Variants in ATP9B observed in about 807,000 individuals in gnomAD.
ATP9B encodes the protein ATPase phospholipid transporting 9B.
In ATP9B, 110 loss-of-function variants were observed where a neutral mutation model predicts 146.1. The observed-to-expected ratio is 0.75, with a 90% CI of 0.65 to 0.88. The LOEUF is 0.88. Among genes scored for constraint, ATP9B ranks in the 40% least tolerant of loss-of-function variants. The probability of loss-of-function intolerance (pLI) is 0.00; values close to 1 mark genes in which losing one functional copy is unlikely to be tolerated. For missense variants in ATP9B, 1,499 were observed against 1,496.4 expected, an observed-to-expected ratio of 1.00 and a Z score of -0.03; for synonymous variants, 604 against 569.7, an observed-to-expected ratio of 1.06 and a Z score of -0.86.
At chr18:79,089,573 C>G (rs73484033) in intron 1 of ATP9B, among the ~76,000 whole-genome samples, 55 of 152,162 alleles carry the variant, frequency 3.6e-4, no homozygotes, top group African/African-American at 1.3e-3. Flanking sequence ...CTTGGGTGAT[C>G]TAAGGAAGAC....
chr18:79,344,255 C>G lies in ATP9B; in HGVS notation c.2383-10C>G. The G allele has an allele frequency of 1.2e-6, 2 of 1,613,356 alleles. No individual in the cohort carries two copies. The highest frequency in any genetic ancestry group is 1.7e-6 in the Non-Finnish European group (2 of 1,179,338). ...TTTTAATTTGGGATTCTTTTTCTCC[C>G]TTAATGGAGGTAACCAGTCGGGGAG... On this transcript the variant is annotated splice_polypyrimidine_tract_variant and intron_variant, in intron 20 of 29. Transcript: ENST00000426216.
chr18:79,072,727 C>T (rs550551826), intron 1 of ATP9B, among the ~76,000 whole-genome samples: 5 of 87,168 alleles, frequency 5.7e-5, no homozygotes, highest in African/African-American at 1.9e-4. Context: ...GACCAGGCGG[C>T]TGCTGGGCGG....
chr18:79,374,252 G>T (rs3786181), intron 28 of ATP9B, 151 bp downstream of exon 28: 1 of 723,374 alleles, frequency 1.4e-6, no homozygotes, highest in Non-Finnish European at 2.2e-6. Flanking sequence ...CCTGCACCAC[G>T]GATGAAGGCG....
Position 79,176,816 on chromosome 18 carries a change from C to T in ATP9B, c.782C>T (p.Ser261Leu), listed in dbSNP as rs952837369. 3.1e-6 allele frequency: 5 copies of T among 1,613,622 alleles called. No homozygotes were observed. The highest frequency in any genetic ancestry group is 1.6e-4 in the Middle Eastern group (1 of 6,080). ...VFLRTSEKAGSCFIRTDQLDG... is the reference protein window; with the variant it reads ...VFLRTSEKAGLCFIRTDQLDG... ...ATTTTTATTCTCTACTTCCAAGGTT[C>T]GTGTTTTATTCGAACTGATCAACTA... The change falls in exon 8 of 30, where the codon TCG becomes TTG. Residue 261 changes from serine (S) to leucine (L), a missense_variant. Physicochemically the swap from Ser to Leu is moderately radical, Grantham distance 145. Coordinates refer to ENST00000426216, the MANE Select transcript of ATP9B (RefSeq NM_198531.5).
At chr18:79,095,037 T>C (rs1359772716) in intron 1 of ATP9B, among the ~76,000 whole-genome samples, 1 of 152,234 alleles carries the variant, frequency 6.6e-6, no homozygotes, top group Admixed American at 6.5e-5. Context: ...TGAGACTCCC[T>C]GTATTCTCTT....
chr18:79,210,990 G>C (rs2095579275), intron 10 of ATP9B, among the ~76,000 whole-genome samples: 1 of 152,140 alleles, frequency 6.6e-6, no homozygotes, highest in African/African-American at 2.4e-5. Flanking sequence ...TTTATATTTT[G>C]TGTTTTTAAA....
intron 29 of ATP9B, 150 bp from the exon 30 acceptor site, chr18:79,377,097 A>T (rs1424496350): frequency 1.8e-5 from 16 of 878,980 alleles, no homozygotes; most frequent in Non-Finnish European, 2.6e-5. Flanking sequence ...AGAAAACCTG[A>T]GATTTGGAGC....
intron 12 of ATP9B, among the ~76,000 whole-genome samples, chr18:79,262,335 A>G (rs1037268195): frequency 1.3e-5 from 2 of 152,270 alleles, no homozygotes; most frequent in African/African-American, 4.8e-5. Context: ...GTTACTGAGC[A>G]TGGCTAATTC....
At chr18:79,253,234 C>A in intron 11 of ATP9B, 147 bp from the exon 12 acceptor site, 2 of 713,954 alleles carry the variant, frequency 2.8e-6, no homozygotes, top group Non-Finnish European at 4.4e-6. Context: ...AGAAATTCTG[C>A]CTGAATTTTC....
rs769157062 is a variant in ATP9B, at chr18:79,307,192, C to T, written c.1731C>T (p.Phe577=). ...AGTTCGCAGAGGCTGACCAAGACTT[C>T]AGTGATGAGAATCGCACCTACCAGG... is the stretch of plus-strand genomic sequence containing the variant. The part of the protein sequence containing the change: ...ETEFAEADQD[F]SDENRTYQAS... Residue 577 remains phenylalanine (F), a synonymous_variant, in exon 15 of 30, where the codon TTC becomes TTT. Transcript: ENST00000426216. 4.3e-5 allele frequency: 69 copies of T among 1,614,104 alleles called. No individual in the cohort carries two copies. Among genetic ancestry groups the T allele is most frequent in the Non-Finnish European group, 5.8e-5 (68 of 1,180,054 alleles).
chr18:79,255,290 C>T (rs1039416361), intron 12 of ATP9B: 17 of 152,224 alleles, frequency 1.1e-4, no homozygotes, highest in African/African-American at 4.1e-4. Flanking sequence ...CCTTTTTTAT[C>T]TGACTGTCAT....
intron 7 of ATP9B, among the ~76,000 whole-genome samples, chr18:79,175,799 C>G (rs961824813): frequency 6.6e-6 from 1 of 152,056 alleles, no homozygotes; most frequent in East Asian, 1.9e-4. Context: ...TGTGCACACA[C>G]AGCACACACA....
intron 9 of ATP9B, among the ~76,000 whole-genome samples, chr18:79,200,782 T>TGGAGGTGGGGACTGTCGGGGTCAGAGC (rs1568389089): frequency 4.0e-4 from 4 of 9,964 alleles, no homozygotes; most frequent in Non-Finnish European, 6.5e-4. Context: ...AGAGCAGAAG[T>TGGAGGTGGGGACTGTCGGGGTCAGAGC]AGTGGTGGAA....
At chr18:79,199,560 G>A (rs543082060) in intron 9 of ATP9B, among the ~76,000 whole-genome samples, 2 of 151,462 alleles carry the variant, frequency 1.3e-5, no homozygotes, top group Admixed American at 6.6e-5. Flanking sequence ...AAGAGATTGA[G>A]GAGACCATCC....
At chr18:79,298,888 T>C (rs2096570975) in intron 13 of ATP9B, among the ~76,000 whole-genome samples, 1 of 119,000 alleles carries the variant, frequency 8.4e-6, no homozygotes, top group Non-Finnish European at 1.9e-5. Context: ...CCCAAAGCTG[T>C]CTACTTTCTT....
At chr18:79,236,127 T>G (rs946433554) in intron 11 of ATP9B, among the ~76,000 whole-genome samples, 8 of 152,356 alleles carry the variant, frequency 5.3e-5, no homozygotes, top group African/African-American at 1.9e-4. Flanking sequence ...AACTCAAGTT[T>G]CTCTATAATC....
intron 9 of ATP9B, chr18:79,194,342 T>C (rs950656834): frequency 6.6e-6 from 1 of 152,260 alleles, no homozygotes; most frequent in Non-Finnish European, 1.5e-5. Flanking sequence ...CCTTTCCTTT[T>C]CTTGCTGTTT....
intron 17 of ATP9B, among the ~76,000 whole-genome samples, chr18:79,332,441 T>TA (rs2096796801): frequency 6.6e-6 from 1 of 151,940 alleles, no homozygotes; most frequent in African/African-American, 2.4e-5. Context: ...AAAATAAAAA[T>TA]AAAAAAATTA....
intron 9 of ATP9B, 57 bp from the exon 10 acceptor site, chr18:79,206,880 G>T: frequency 6.6e-7 from 1 of 1,511,946 alleles, no homozygotes; most frequent in Non-Finnish European, 9.1e-7. Context: ...GTTATATAAG[G>T]TGTGAATAAT....
Sources: gnomAD v4.1 joint callset for allele counts (sites outside exome capture counted in the v4.1 genomes callset) on GRCh38, gnomAD v4.1.1 for gene constraint, MANE v1.5 for transcripts, NCBI Gene and HGNC (gene_info 2026-07-23, HGNC 2026-07-21) for gene names.